The following TMEM232 variants were observed in gnomAD, a reference collection of about 807,000 sequenced individuals.
TMEM232 encodes the protein transmembrane protein 232.
TMEM232 carries 80 observed loss-of-function variants against 78.8 expected under a neutral mutation model. The ratio of observed to expected loss-of-function variants is 1.01; its 90% CI spans 0.85 to 1.22. TMEM232 has a LOEUF of 1.22. Among genes scored for constraint, TMEM232 ranks in the 50% most tolerant of loss-of-function variants. The pLI is 0.00. For missense variants in TMEM232, 881 were observed against 742.2 expected, an observed-to-expected ratio of 1.19 and a Z score of -2.17; for synonymous variants, 297 against 254.3, an observed-to-expected ratio of 1.17 and a Z score of -1.60.
In TMEM232 at chr5:110,694,477, G is replaced by A. The variant is rs966574758; in HGVS notation, c.-12-27113C>T. ...CAATATTAACCTTAAATGGAAATGG[G>A]CTAAATGCTACAATTAAAAGACACA... On this transcript the variant is annotated intron_variant, in intron 1 of 13. Coordinates refer to ENST00000455884, the MANE Select transcript of TMEM232 (RefSeq NM_001039763.4). Among the ~76,000 whole-genome samples the A allele has an allele frequency of 2.6e-5, 4 of 152,078 alleles. No homozygotes were observed. The East Asian group carries it at 5.8e-4, about 22-fold the overall frequency.
chr5:110,652,294 G>GCGCGCGCACACA (rs1554069154), intron 2 of TMEM232, among the ~76,000 whole-genome samples: 4 of 145,360 alleles, frequency 2.8e-5, no homozygotes. Flanking sequence ...GCACGCGCGC[G>GCGCGCGCACACA]CACACACACA....
chr5:110,716,838 G>A (rs1265226026), intron 1 of TMEM232, among the ~76,000 whole-genome samples: 3 of 152,142 alleles, frequency 2.0e-5, no homozygotes, highest in African/African-American at 7.2e-5. Flanking sequence ...AACCATGACT[G>A]AGGAAGAAAA....
chr5:110,690,947 G>C (rs1202505139), intron 1 of TMEM232, among the ~76,000 whole-genome samples: 1 of 151,982 alleles, frequency 6.6e-6, no homozygotes, highest in Non-Finnish European at 1.5e-5. Context: ...ACATAGGGAG[G>C]GGAACGTCAA....
chr5:110,428,821 C>T (rs989724678), intron 12 of TMEM232, among the ~76,000 whole-genome samples: 2 of 151,752 alleles, frequency 1.3e-5, no homozygotes, highest in African/African-American at 2.4e-5. Flanking sequence ...CAAAAACTCA[C>T]TCTCTCTCCA....
intron 11 of TMEM232, among the ~76,000 whole-genome samples, chr5:110,566,500 A>C (rs918658482): frequency 4.0e-5 from 6 of 151,876 alleles, no homozygotes; most frequent in African/African-American, 9.7e-5. Flanking sequence ...GCCCTAAATT[A>C]TCTCTCTCAA....
Position 110,568,494 on chromosome 5 carries a change from C to A in TMEM232, c.1408G>T (p.Asp470Tyr), listed in dbSNP as rs1308488567. Residue 470 changes from aspartate (D) to tyrosine (Y), a missense_variant, in exon 11 of 14, where the codon GAT (aspartate) becomes TAT (tyrosine). Coordinates refer to ENST00000455884, the MANE Select transcript of TMEM232 (RefSeq NM_001039763.4). ...TGGATTCGTACATCTTCCTCATAATCCTTTGTTTTCTGCAATGTTTGCCAT... is the reference window on the plus strand; with the variant it reads ...TGGATTCGTACATCTTCCTCATAATACTTTGTTTTCTGCAATGTTTGCCAT... ...MIWQTLQKTK[D>Y]YEEDVRIQNA... 6.5e-7 allele frequency: 1 copy of A among 1,548,876 alleles called. No individual in the cohort carries two copies. Among genetic ancestry groups the A allele is most frequent in the Non-Finnish European group, 8.7e-7 (1 of 1,145,428 alleles).
At chr5:110,685,286 C>T (rs1443436530) in intron 1 of TMEM232, among the ~76,000 whole-genome samples, 2 of 151,774 alleles carry the variant, frequency 1.3e-5, no homozygotes, top group Non-Finnish European at 2.9e-5. Context: ...AATTAGCCAA[C>T]ATTACAAATG....
intron 1 of TMEM232, among the ~76,000 whole-genome samples, chr5:110,735,752 A>G (rs1799097279): frequency 6.6e-6 from 1 of 152,170 alleles, no homozygotes; most frequent in Admixed American, 6.5e-5. Flanking sequence ...GTTAAGTCAT[A>G]AGGACATTCA....
rs377139293 is a variant in TMEM232, at chr5:110,587,663, G to GTATATATA, written c.1276+17438_1276+17445dup. Among the ~76,000 whole-genome samples the GTATATATA allele has an allele frequency of 2.2e-3, 209 of 96,178 alleles. 3 individuals carry two copies. The highest frequency in any genetic ancestry group is 7.9e-3 in the African/African-American group (195 of 24,630). 63.1% of individuals were successfully genotyped at this position (96,178 alleles called of 152,430 possible). On this transcript the variant is annotated intron_variant, in intron 10 of 13. Coordinates refer to ENST00000455884, the MANE Select transcript of TMEM232 (RefSeq NM_001039763.4). ...ATGATGGTTTCATGGGTACATGTATGTATATATATATATATATATATATAT... is the reference window on the plus strand; with the variant it reads ...ATGATGGTTTCATGGGTACATGTATGTATATATATATATATATATATATATATATATAT...
intron 12 of TMEM232, among the ~76,000 whole-genome samples, chr5:110,473,788 A>G (rs1762935473): frequency 6.7e-6 from 1 of 148,746 alleles, no homozygotes; most frequent in African/African-American, 2.5e-5. Context: ...TATATACCCA[A>G]TGGAATACTA....
At chr5:110,610,467 GGAACACATAT>G in intron 8 of TMEM232, 1 of 389,332 alleles carries the variant, frequency 2.6e-6, no homozygotes, top group Non-Finnish European at 5.1e-6. Flanking sequence ...GCAGAAGTTG[GGAACACATAT>G]GAACTATGAG....
intron 1 of TMEM232, among the ~76,000 whole-genome samples, chr5:110,694,105 C>G (rs1794473209): frequency 6.6e-6 from 1 of 152,040 alleles, no homozygotes; most frequent in Non-Finnish European, 1.5e-5. Context: ...CAGCGGATCT[C>G]TCGGCAGAAA....
intron 8 of TMEM232, among the ~76,000 whole-genome samples, chr5:110,608,538 C>A (rs1350288949): frequency 1.3e-5 from 2 of 151,964 alleles, no homozygotes; most frequent in Non-Finnish European, 2.9e-5. Flanking sequence ...TTTGATTCTT[C>A]TTTTCTCTTT....
rs1216097625 is a variant in TMEM232, at chr5:110,605,290, A to T, written c.1095T>A (p.Leu365=). ...WNVVYIYTVI[L]AEICLYAATS... Reference sequence around the variant, plus strand: ...TGGCTGCATACAAGCAGATTTCTGCAAGAATTACTGTATATATGTAGACTA... The same window carrying T: ...TGGCTGCATACAAGCAGATTTCTGCTAGAATTACTGTATATATGTAGACTA... Residue 365 remains leucine, a synonymous_variant, in exon 10 of 14, where the codon CTT becomes CTA. Transcript: ENST00000455884. The T allele has an allele frequency of 2.6e-6, 4 of 1,551,320 alleles. No homozygotes were observed. Among genetic ancestry groups the T allele is most frequent in the Non-Finnish European group, 3.5e-6 (4 of 1,146,764 alleles).
intron 11 of TMEM232, among the ~76,000 whole-genome samples, chr5:110,558,114 A>G (rs1775317850): frequency 6.6e-6 from 1 of 152,294 alleles, no homozygotes; most frequent in East Asian, 1.9e-4. Context: ...GGTTGGGACC[A>G]TGCTCATGCC....
At chr5:110,590,072 G>A (rs1779318627) in intron 10 of TMEM232, among the ~76,000 whole-genome samples, 1 of 152,100 alleles carries the variant, frequency 6.6e-6, no homozygotes, top group African/African-American at 2.4e-5. Flanking sequence ...GTCAGACTCT[G>A]AATTTCAACC....
chr5:110,544,613 T>G (rs192852823), intron 11 of TMEM232, among the ~76,000 whole-genome samples: 2 of 152,284 alleles, frequency 1.3e-5, no homozygotes, highest in African/African-American at 4.8e-5. Flanking sequence ...TCTCTTCCCT[T>G]CTCTCACAGT....
At chr5:110,590,179 C>T (rs1779330202) in intron 10 of TMEM232, among the ~76,000 whole-genome samples, 1 of 152,106 alleles carries the variant, frequency 6.6e-6, no homozygotes, top group East Asian at 1.9e-4. Flanking sequence ...CCAGAGACCC[C>T]AACTTGAATT....
rs1285542874 is a variant in TMEM232, at chr5:110,618,526, C to T, written c.805G>A (p.Val269Ile). Residue 269 changes from valine to isoleucine, a missense_variant, in exon 8 of 14, where the codon GTT becomes ATT. Physicochemically the swap from Val to Ile is conservative, Grantham distance 29 (BLOSUM62 3). Coordinates refer to ENST00000455884, the MANE Select transcript of TMEM232 (RefSeq NM_001039763.4). ...YEINHLLWHC[V>I]AAWSCVQNNS... ...TTCTGAACACAAGACCAAGCAGCAA[C>T]ACAGTGCCAGAGCAGGTGGTTAATT... is the stretch of plus-strand genomic sequence containing the variant. 1 of 1,551,456 alleles carries T rather than the reference C, an allele frequency of 6.4e-7. No homozygotes were observed. The highest frequency in any genetic ancestry group is 1.2e-5 in the South Asian group (1 of 83,962).
Sources: allele counts gnomAD v4.1 joint callset (sites outside exome capture counted in the v4.1 genomes callset), GRCh38; gene constraint gnomAD v4.1.1; transcripts MANE v1.5; gene names NCBI Gene and HGNC (gene_info 2026-07-23, HGNC 2026-07-21).